Variants in DCAF8 observed in about 807,000 individuals in gnomAD.
DCAF8 encodes DDB1 and CUL4 associated factor 8.
DCAF8 carries 20 observed loss-of-function variants against 68.0 expected under a neutral mutation model. That is an observed-to-expected ratio of 0.29 (90% CI 0.21 to 0.43). The LOEUF (loss-of-function observed/expected upper bound fraction) is 0.43, where lower values mean the gene tolerates loss of function less well. Ranked by LOEUF, DCAF8 falls within the 20% of genes least tolerant of loss-of-function variation. DCAF8 has a pLI of 1.00. For synonymous variants in DCAF8, 230 were observed against 276.9 expected, an observed-to-expected ratio of 0.83 and a Z score of 1.68; for missense variants, 460 against 771.0, an observed-to-expected ratio of 0.60 and a Z score of 4.78.
At chr1:160,248,895 CA>C (rs58635711) in intron 2 of DCAF8, among the ~76,000 whole-genome samples, 180 of 137,076 alleles carry the variant, frequency 1.3e-3, no homozygotes, top group East Asian at 6.2e-3. Flanking sequence ...GACACCATCT[CA>C]AAAAAAAAAA....
At chr1:160,229,704 T>A (rs1001452807) in intron 7 of DCAF8, among the ~76,000 whole-genome samples, 6 of 152,208 alleles carry the variant, frequency 3.9e-5, no homozygotes, top group Non-Finnish European at 7.4e-5. Flanking sequence ...CAACCCTTTT[T>A]GATCAACAGC....
intron 3 of DCAF8, among the ~76,000 whole-genome samples, chr1:160,241,098 G>A (rs958332931): frequency 6.6e-6 from 1 of 152,186 alleles, no homozygotes; most frequent in Non-Finnish European, 1.5e-5. Context: ...CTTGCAGTGA[G>A]CCAAAGTCGC....
chr1:160,231,465 G>T, intron 6 of DCAF8, 58 bp from the exon 7 acceptor site: 1 of 1,260,144 alleles, frequency 7.9e-7, no homozygotes, highest in Non-Finnish European at 1.2e-6. Context: ...AATGGTCATG[G>T]CAAAGGAGAG....
intron 4 of DCAF8, 64 bp from the exon 5 acceptor site, chr1:160,238,811 A>C: frequency 6.8e-7 from 1 of 1,474,020 alleles, no homozygotes; most frequent in Non-Finnish European, 9.1e-7. Flanking sequence ...CTTGAGAATA[A>C]AAAATACGAT....
intron 11 of DCAF8, chr1:160,220,063 C>T (rs1385289914): frequency 1.3e-5 from 2 of 152,236 alleles, no homozygotes; most frequent in Admixed American, 1.3e-4. Context: ...TACAGACTTC[C>T]CACTTACTTT....
intron 3 of DCAF8, 35 bp downstream of exon 3, chr1:160,243,925 G>A (rs777317280): frequency 1.2e-6 from 2 of 1,610,548 alleles, no homozygotes; most frequent in East Asian, 2.2e-5. Flanking sequence ...TCAGTTGATA[G>A]TAAAAATAGC....
intron 2 of DCAF8, among the ~76,000 whole-genome samples, chr1:160,260,920 G>C (rs1283273515): frequency 6.6e-6 from 1 of 152,046 alleles, no homozygotes; most frequent in Admixed American, 6.5e-5. Context: ...TTGACAACAG[G>C]ATGAACAGAA....
chr1:160,226,071 T>C (rs2101722000), intron 7 of DCAF8, among the ~76,000 whole-genome samples: 1 of 152,272 alleles, frequency 6.6e-6, no homozygotes, highest in East Asian at 1.9e-4. Flanking sequence ...CTTAAATCCT[T>C]TATCCACATA....
intron 2 of DCAF8, among the ~76,000 whole-genome samples, chr1:160,244,484 T>G (rs1336857046): frequency 6.6e-6 from 1 of 152,206 alleles, no homozygotes; most frequent in Non-Finnish European, 1.5e-5. Flanking sequence ...CAACACTTGT[T>G]TTCACAACAT....
chr1:160,255,417 TACC>T (rs1391352116), intron 2 of DCAF8, among the ~76,000 whole-genome samples: 1 of 151,942 alleles, frequency 6.6e-6, no homozygotes, highest in Non-Finnish European at 1.5e-5. Flanking sequence ...TATAGGTATG[TACC>T]ACCACACCTG....
At chr1:160,218,208 T>C (rs1655187199) in intron 13 of DCAF8, 116 bp downstream of exon 13, 2 of 786,280 alleles carry the variant, frequency 2.5e-6, no homozygotes, top group Admixed American at 3.6e-5. Context: ...CAGAGGACAG[T>C]GGATAGGAAA....
chr1:160,243,540 A>T (rs535891561), intron 3 of DCAF8, among the ~76,000 whole-genome samples: 33 of 151,848 alleles, frequency 2.2e-4, no homozygotes, highest in African/African-American at 8.0e-4. Flanking sequence ...CACCATGCCC[A>T]GCCATGTAAT....
chr1:160,229,595 T>C (rs1655599609), intron 7 of DCAF8, among the ~76,000 whole-genome samples: 1 of 152,198 alleles, frequency 6.6e-6, no homozygotes, highest in Non-Finnish European at 1.5e-5. Context: ...AGACACAGAC[T>C]TTTCAAGTAA....
At position 160,217,794 on chromosome 1, in the gene DCAF8, A is replaced by G. The variant is rs1655173681; in HGVS notation, c.1678-86T>C. 4.8e-6 allele frequency: 5 copies of G among 1,042,388 alleles called. No individual in the cohort carries two copies. The South Asian group carries it at 7.0e-5, about 15-fold the overall frequency. The allele number at this position is 1,042,388 out of a possible 1,614,324, so 64.6% of individuals were successfully genotyped here. A position where few individuals can be genotyped will look rare whatever the true frequency, so the allele number is the denominator to read the frequency against. On this transcript the variant is annotated intron_variant, in intron 13 of 13. Transcript: ENST00000368074. Reference sequence around the variant, plus strand: ...GTCTTAGCCAGAATTTAGATGCTTTAGGCCAGAGATCAGCAGAATTTTTCT... The same window carrying G: ...GTCTTAGCCAGAATTTAGATGCTTTGGGCCAGAGATCAGCAGAATTTTTCT...
In DCAF8 at chr1:160,240,278, A is replaced by C. The variant is rs1203569092; in HGVS notation, c.142T>G (p.Leu48Val). The C allele has an allele frequency of 6.2e-7, 1 of 1,614,010 alleles. No homozygotes were observed. The highest frequency in any genetic ancestry group is 8.5e-7 in the Non-Finnish European group (1 of 1,180,020). ...GIEVEASDLS[L>V]SLTGDDGGPN... ...CCACCATCATCCCCAGTCAAGCTCA[A>C]ACTCAGGTCTGAGGCCTCCACTTCA... The change falls in exon 4 of 14, where the codon TTG becomes GTG. Residue 48 changes from leucine (L) to valine (V), a missense_variant. Leu to Val is a conservative substitution (Grantham distance 32, BLOSUM62 1). This residue lies in a region of DCAF8 where 156 missense variants were observed against 181.4 expected (regional missense o/e 0.86). Coordinates refer to ENST00000368074, the MANE Select transcript of DCAF8 (RefSeq NM_015726.4).
chr1:160,246,404 A>C (rs947493), intron 2 of DCAF8, among the ~76,000 whole-genome samples: 18 of 152,062 alleles, frequency 1.2e-4, no homozygotes, highest in Admixed American at 1.0e-3. Flanking sequence ...AGATGATAAA[A>C]GTAAGTAGAA....
intron 12 of DCAF8, 61 bp from the exon 13 acceptor site, chr1:160,218,501 A>G: frequency 8.0e-7 from 1 of 1,244,594 alleles, no homozygotes; most frequent in Admixed American, 1.7e-5. Flanking sequence ...GGACCTGATC[A>G]AGAAGGCTGA....
At chr1:160,219,801 C>T (rs558068409) in intron 11 of DCAF8, 64 of 152,340 alleles carry the variant, frequency 4.2e-4, no homozygotes, top group African/African-American at 1.5e-3. Context: ...ATGAGCTTCC[C>T]TAAGGGAAGG....
chr1:160,217,777 C>T (rs1288694945), intron 13 of DCAF8, 69 bp from the exon 14 acceptor site: 2 of 1,271,788 alleles, frequency 1.6e-6, no homozygotes, highest in Non-Finnish European at 1.1e-6. Context: ...AGGTCTTAGC[C>T]AGAATTTAGA....
Sources: allele counts gnomAD v4.1 joint callset (sites outside exome capture counted in the v4.1 genomes callset), GRCh38; gene constraint gnomAD v4.1.1; regional missense constraint gnomAD v4.1.1; transcripts MANE v1.5; gene names NCBI Gene and HGNC (gene_info 2026-07-23, HGNC 2026-07-21).